Variants in MERTK observed in about 807,000 individuals in gnomAD.
MERTK encodes the protein MER proto-oncogene, tyrosine kinase.
MERTK carries 69 observed loss-of-function variants against 99.3 expected under a neutral mutation model. That is an observed-to-expected ratio of 0.70 (90% CI 0.57 to 0.85). MERTK has a LOEUF of 0.85. Ranked by LOEUF, MERTK falls within the 40% of genes least tolerant of loss-of-function variation. The pLI, the probability that MERTK is intolerant of heterozygous loss-of-function variation, is 0.00. For synonymous variants in MERTK, 426 were observed against 467.6 expected (o/e 0.91, Z 1.15); for missense variants, 1,125 against 1,249.4 (o/e 0.90, Z 1.50).
At chr2:111,957,021 G>A (rs764726380) in intron 4 of MERTK, among the ~76,000 whole-genome samples, 5 of 149,326 alleles carry the variant, frequency 3.3e-5, no homozygotes, top group Non-Finnish European at 7.4e-5. Flanking sequence ...TCCACCTCCC[G>A]GGTTCACGCC....
chr2:112,020,768 G>A (rs1360043800), intron 16 of MERTK: 2 of 437,302 alleles, frequency 4.6e-6, no homozygotes, highest in Non-Finnish European at 9.3e-6. Context: ...TCCACCAGAG[G>A]GCTCTGGTTT....
intron 2 of MERTK, among the ~76,000 whole-genome samples, chr2:111,935,002 G>T (rs146294289): frequency 1.3e-5 from 2 of 152,034 alleles, no homozygotes; most frequent in Non-Finnish European, 2.9e-5. Flanking sequence ...CCTCTTTCCC[G>T]TAGTGGCCCC....
At chr2:111,983,437 C>T (rs865895302) in intron 8 of MERTK, among the ~76,000 whole-genome samples, 1 of 152,216 alleles carries the variant, frequency 6.6e-6, no homozygotes, top group Non-Finnish European at 1.5e-5. Flanking sequence ...GGAATAACCT[C>T]ATCCTCATAG....
At chr2:111,959,504 T>A (rs1685206211) in intron 4 of MERTK, among the ~76,000 whole-genome samples, 1 of 152,066 alleles carries the variant, frequency 6.6e-6, no homozygotes, top group African/African-American at 2.4e-5. Context: ...TGTTTTTGTG[T>A]GTGTGTGACA....
chr2:111,932,208 G>A (rs1312704807), intron 2 of MERTK, among the ~76,000 whole-genome samples: 1 of 152,128 alleles, frequency 6.6e-6, no homozygotes, highest in East Asian at 1.9e-4. Context: ...TTGAGACGGA[G>A]TCTTGCTCTG....
At chr2:111,939,155 C>T (rs1355737872) in intron 2 of MERTK, among the ~76,000 whole-genome samples, 3 of 152,094 alleles carry the variant, frequency 2.0e-5, no homozygotes, top group African/African-American at 2.4e-5. Flanking sequence ...TCAAGGACCC[C>T]CATCTGATAA....
At chr2:112,026,483 CAG>C (rs750043846) in intron 18 of MERTK, among the ~76,000 whole-genome samples, 98 of 152,256 alleles carry the variant, frequency 6.4e-4, no homozygotes, top group African/African-American at 2.2e-3. Flanking sequence ...GTTTGGAAAA[CAG>C]AGTCATGCAA....
In MERTK at chr2:111,929,341, G is replaced by T; in HGVS notation, c.283G>T (p.Ala95Ser). 2 of 1,614,136 alleles carry T rather than the reference G, an allele frequency of 1.2e-6. No homozygotes were observed. The highest frequency in any genetic ancestry group is 1.7e-6 in the Non-Finnish European group (2 of 1,180,032). The part of the protein sequence containing the change: ...SVESKPLPPL[A>S]FKHTVGHIIL... ...CGAATCAAAGCCCCTACCGCCTCTT[G>T]CCTTCAAACACACAGTTGGACACAT... The change falls in exon 2 of 19, where the codon GCC (alanine) becomes TCC (serine). Residue 95 changes from alanine (A) to serine (S), a missense_variant. By Grantham distance (99) the Ala-to-Ser change is moderately conservative. Transcript: ENST00000295408.
intron 1 of MERTK, among the ~76,000 whole-genome samples, chr2:111,926,110 C>T (rs1573575434): frequency 6.6e-6 from 1 of 152,158 alleles, no homozygotes; most frequent in Admixed American, 6.5e-5. Context: ...GGATTACAGG[C>T]GTGAGCCACT....
At chr2:111,975,612 T>C (rs1328708000) in intron 7 of MERTK, 140 bp downstream of exon 7, 3 of 905,646 alleles carry the variant, frequency 3.3e-6, no homozygotes, top group Admixed American at 4.0e-5. Flanking sequence ...AGGCGACTGA[T>C]GAAAATGGGA....
chr2:112,027,562 C>T (rs1012693831), intron 18 of MERTK, among the ~76,000 whole-genome samples: 2 of 151,886 alleles, frequency 1.3e-5, no homozygotes, highest in African/African-American at 4.8e-5. Context: ...AGAGAGTTGC[C>T]CTCTATAAAA....
At chr2:111,929,816 G>A (rs974517624) in intron 2 of MERTK, among the ~76,000 whole-genome samples, 1 of 151,402 alleles carries the variant, frequency 6.6e-6, no homozygotes, top group Non-Finnish European at 1.5e-5. Context: ...GCCCAGGCTG[G>A]TCTCAAACTC....
At chr2:112,022,912 C>T (rs1014773624) in intron 18 of MERTK, among the ~76,000 whole-genome samples, 2 of 152,132 alleles carry the variant, frequency 1.3e-5, no homozygotes, top group Non-Finnish European at 2.9e-5. Context: ...TGTAACAATA[C>T]GATTCCTCGG....
chr2:111,968,154 A>T lies in MERTK; in HGVS notation c.862A>T (p.Thr288Ser). 1 of 1,613,704 alleles carries T rather than the reference A, an allele frequency of 6.2e-7. No homozygotes were observed. Among genetic ancestry groups the T allele is most frequent in the Non-Finnish European group, 8.5e-7 (1 of 1,179,816 alleles). Reference protein sequence around the residue: ...INIKAIPSPPTEVSIRNSTAH... With the variant: ...INIKAIPSPPSEVSIRNSTAH... ...TTATGCAGCAATTCCCTCCCCACCA[A>T]CTGAAGTCAGCATCCGTAACAGCAC... Residue 288 changes from threonine to serine, a missense_variant, in exon 6 of 19, where the codon ACT (threonine) becomes TCT (serine). Thr to Ser is a moderately conservative substitution (Grantham distance 58). Transcript: ENST00000295408.
At chr2:111,994,176 G>A in intron 8 of MERTK, 75 bp from the exon 9 acceptor site, 1 of 1,565,736 alleles carries the variant, frequency 6.4e-7, no homozygotes. Flanking sequence ...GCTTCCCTCA[G>A]AAGGAACTGT....
intron 1 of MERTK, among the ~76,000 whole-genome samples, chr2:111,903,189 G>T (rs1684077644): frequency 6.6e-6 from 1 of 152,186 alleles, no homozygotes; most frequent in Non-Finnish European, 1.5e-5. Flanking sequence ...GCTCATACGG[G>T]TGCTCAGTGA....
At position 112,001,298 on chromosome 2, in the gene MERTK, T is replaced by G. The variant is rs1362651107; in HGVS notation, c.1690+12T>G. 4.4e-6 allele frequency: 7 copies of G among 1,600,148 alleles called. No homozygotes were observed. The highest frequency in any genetic ancestry group is 3.3e-5 in the Admixed American group (2 of 60,008). On this transcript the variant is annotated intron_variant, in intron 11 of 18. Coordinates refer to ENST00000295408, the MANE Select transcript of MERTK (RefSeq NM_006343.3). ...CATTGAACTTACCTGTAAGTTGACT[T>G]TCATTTCCCTTTTTGGCAAAAGTTA...
intron 12 of MERTK, chr2:112,003,457 G>A (rs4303721): frequency 4.5e-5 from 16 of 352,010 alleles, no homozygotes; most frequent in Non-Finnish European, 7.8e-5. Context: ...AATTCATTGA[G>A]TAGTTTCCTA....
rs771592694 is a variant in MERTK, at chr2:112,021,452, G to A, written c.2220G>A (p.Ala740=). The change falls in exon 17 of 19, where the codon GCG becomes GCA. Residue 740 remains alanine (A), a synonymous_variant. Coordinates refer to ENST00000295408, the MANE Select transcript of MERTK (RefSeq NM_006343.3). ...GAGATGACATGACTGTCTGTGTTGC[G>A]GACTTCGGCCTCTCTAAGAAGATTT... is the stretch of plus-strand genomic sequence containing the variant. The part of the protein sequence containing the change: ...MLRDDMTVCV[A]DFGLSKKIYS... 4.3e-6 allele frequency: 7 copies of A among 1,613,646 alleles called. No homozygotes were observed. Among genetic ancestry groups the A allele is most frequent in the East Asian group, 4.5e-5 (2 of 44,880 alleles).
Sources: allele counts gnomAD v4.1 joint callset (sites outside exome capture counted in the v4.1 genomes callset), GRCh38; gene constraint gnomAD v4.1.1; transcripts MANE v1.5; gene names NCBI Gene and HGNC (gene_info 2026-07-23, HGNC 2026-07-21).